The following AGMO variants were observed in gnomAD, a reference collection of about 807,000 sequenced individuals.
AGMO encodes the protein glyceryl-ether monooxygenase.
In AGMO, 75 loss-of-function variants were observed where a neutral mutation model predicts 60.2. That is an observed-to-expected ratio of 1.25 (90% CI 1.03 to 1.51). The LOEUF is 1.51. Ranked by LOEUF, AGMO falls within the 40% of genes most tolerant of loss-of-function variation. The pLI is 0.00. For synonymous variants in AGMO, 261 were observed against 177.1 expected (o/e 1.47, Z -3.76); for missense variants, 763 against 525.5 (o/e 1.45, Z -4.42).
At chr7:15,234,481 GT>G (rs1563047515) in intron 12 of AGMO, among the ~76,000 whole-genome samples, 1 of 152,168 alleles carries the variant, frequency 6.6e-6, no homozygotes, top group South Asian at 2.1e-4. Flanking sequence ...AAGAGAACAA[GT>G]TTACAAAACA....
chr7:15,541,622 T>C (rs1195677516), intron 3 of AGMO, among the ~76,000 whole-genome samples: 1 of 152,170 alleles, frequency 6.6e-6, no homozygotes, highest in Non-Finnish European at 1.5e-5. Context: ...ATAAAGAGCA[T>C]ACAGAACTTC....
chr7:15,294,828 T>C (rs1407441831), intron 12 of AGMO, among the ~76,000 whole-genome samples: 3 of 151,934 alleles, frequency 2.0e-5, no homozygotes, highest in Non-Finnish European at 2.9e-5. Context: ...CATATGATAA[T>C]TTAATACATT....
chr7:15,392,848 T>C (rs1157442670), intron 6 of AGMO, among the ~76,000 whole-genome samples: 1 of 152,038 alleles, frequency 6.6e-6, no homozygotes, highest in Non-Finnish European at 1.5e-5. Context: ...AAATACACCT[T>C]ATCTACTGAA....
chr7:15,448,077 G>A (rs1252727196), intron 3 of AGMO, among the ~76,000 whole-genome samples: 2 of 152,070 alleles, frequency 1.3e-5, no homozygotes, highest in Non-Finnish European at 2.9e-5. Context: ...TTTGACTTTG[G>A]TCTTATTAAC....
chr7:15,176,335 A>G, the AGMO span, among the ~76,000 whole-genome samples: 1 of 152,058 alleles, frequency 6.6e-6, no homozygotes, highest in African/African-American at 2.4e-5. Flanking sequence ...TTTCCGATCT[A>G]CAACTGACTC....
chr7:15,421,006 C>A (rs899143892), intron 4 of AGMO, among the ~76,000 whole-genome samples: 1 of 152,178 alleles, frequency 6.6e-6, no homozygotes, highest in Non-Finnish European at 1.5e-5. Flanking sequence ...CTAAGGCTAA[C>A]AGACAGCAGA....
chr7:15,169,136 A>G, the AGMO span, among the ~76,000 whole-genome samples: 6 of 152,138 alleles, frequency 3.9e-5, no homozygotes, highest in East Asian at 1.9e-4. Context: ...CTTCTTCACT[A>G]AGGGAGGGAG....
the AGMO span, among the ~76,000 whole-genome samples, chr7:15,184,355 G>GAGGAAGAA: frequency 4.9e-3 from 136 of 27,822 alleles, 58 homozygotes; most frequent in East Asian, 0.022. Flanking sequence ...AGAAGGGAGG[G>GAGGAAGAA]AGGGAAGGAA....
At chr7:15,449,812 A>G (rs1781810870) in intron 3 of AGMO, among the ~76,000 whole-genome samples, 1 of 152,228 alleles carries the variant, frequency 6.6e-6, no homozygotes, top group Admixed American at 6.5e-5. Context: ...ATTTTTAGGT[A>G]CTATTACTAA....
chr7:15,169,929 T>C, the AGMO span, among the ~76,000 whole-genome samples: 2 of 152,246 alleles, frequency 1.3e-5, no homozygotes, highest in Admixed American at 6.5e-5. Context: ...TGTAATTCCC[T>C]ATTCCATTAA....
chr7:15,157,974 T>C, the AGMO span, among the ~76,000 whole-genome samples: 1 of 152,216 alleles, frequency 6.6e-6, no homozygotes, highest in Admixed American at 6.5e-5. Flanking sequence ...TTCTGGTTGC[T>C]AAGCAGGATC....
chr7:15,549,751 A>G (rs9690437), intron 2 of AGMO, among the ~76,000 whole-genome samples: 205 of 151,672 alleles, frequency 1.4e-3, no homozygotes, highest in African/African-American at 4.8e-3. Context: ...AACATTAGAC[A>G]GATCAACGAG....
At chr7:15,129,928 G>A in the AGMO span, among the ~76,000 whole-genome samples, 1 of 152,104 alleles carries the variant, frequency 6.6e-6, no homozygotes, top group African/African-American at 2.4e-5. Context: ...TTATCTAAGT[G>A]TATCAGCCAT....
intron 12 of AGMO, among the ~76,000 whole-genome samples, chr7:15,338,472 T>G (rs1037701247): frequency 2.6e-5 from 4 of 152,140 alleles, no homozygotes; most frequent in Non-Finnish European, 5.9e-5. Flanking sequence ...CTGATCTTAT[T>G]TAATTTAAAG....
chr7:15,390,396 G>T (rs547100244), intron 8 of AGMO, among the ~76,000 whole-genome samples: 88 of 152,180 alleles, frequency 5.8e-4, no homozygotes, highest in African/African-American at 2.0e-3. Flanking sequence ...ACATATTTCA[G>T]GTCCATTCTG....
At chr7:15,148,064 T>C in the AGMO span, among the ~76,000 whole-genome samples, 1 of 152,264 alleles carries the variant, frequency 6.6e-6, no homozygotes, top group South Asian at 2.1e-4. Context: ...CAATTATTAA[T>C]AGTATTAATT....
rs201751915 is a variant in AGMO at position 15,217,371 on chromosome 7, G to GTC, written c.1264-16014_1264-16013dup. 1.3e-4 allele frequency among the ~76,000 whole-genome samples: 19 copies of GTC among 148,582 alleles called. No homozygotes were observed. The East Asian group carries it at 3.5e-3, about 27-fold the overall frequency. On this transcript the variant is annotated intron_variant, in intron 12 of 12. Transcript: ENST00000342526. ...ATAATCTCTCTCTCTCTCTGTGTGT[G>GTC]TCTCTCTCTCTCACATGCACACACA...
intron 3 of AGMO, among the ~76,000 whole-genome samples, chr7:15,529,472 C>T (rs980090218): frequency 7.1e-6 from 1 of 141,436 alleles, no homozygotes; most frequent in Non-Finnish European, 1.5e-5. Context: ...AGCTCAGGTT[C>T]TACCCCCTAG....
At chr7:15,541,518 G>A (rs1352970970) in intron 3 of AGMO, among the ~76,000 whole-genome samples, 1 of 152,114 alleles carries the variant, frequency 6.6e-6, no homozygotes, top group Non-Finnish European at 1.5e-5. Context: ...AATCATCAAA[G>A]CTGTCTATAA....
Sources: gnomAD v4.1 joint callset for allele counts (sites outside exome capture counted in the v4.1 genomes callset) on GRCh38, gnomAD v4.1.1 for gene constraint, MANE v1.5 for transcripts, NCBI Gene and HGNC (gene_info 2026-07-23, HGNC 2026-07-21) for gene names.